SOX6: variants seen among roughly 807,000 people sequenced by gnomAD.
The protein encoded by SOX6 is transcription factor SOX-6.
SOX6 carries 11 observed loss-of-function variants against 97.8 expected under a neutral mutation model. The ratio of observed to expected loss-of-function variants is 0.11; its 90% confidence interval spans 0.07 to 0.19. The LOEUF is 0.19. Ranked by LOEUF, SOX6 falls within the 10% of genes least tolerant of loss-of-function variation. The pLI, the probability that SOX6 is intolerant of heterozygous loss-of-function variation, is 1.00. For missense variants in SOX6, 810 were observed against 1,039.5 expected, an observed-to-expected ratio of 0.78 and a Z score of 3.04; for synonymous variants, 360 against 371.4, an observed-to-expected ratio of 0.97 and a Z score of 0.35.
chr11:16,721,500 G>GTGTC (rs1848261184), intron 2 of SOX6, among the ~76,000 whole-genome samples: 11 of 28,656 alleles, frequency 3.8e-4, no homozygotes, highest in Non-Finnish European at 7.0e-4. Context: ...GGTCTTTTCT[G>GTGTC]TCTCTCTCTC....
At position 16,235,991 on chromosome 11, in the gene SOX6, G is replaced by A. The variant is rs146691882; in HGVS notation, c.446-1320C>T. ...AACGGCTGATGAAGAACAACCATCC[G>A]AACTGGCTATCACAGAGCTGAAGTT... On this transcript the variant is annotated intron_variant, in intron 3 of 15. Coordinates refer to ENST00000683767, the MANE Select transcript of SOX6 (RefSeq NM_001367873.1). Among the ~76,000 whole-genome samples, 5 of 152,168 alleles carry A rather than the reference G, an allele frequency of 3.3e-5. No homozygotes were observed. The East Asian group carries it at 9.7e-4, about 29-fold the overall frequency.
intron 1 of SOX6, among the ~76,000 whole-genome samples, chr11:16,446,584 T>C (rs1475152118): frequency 2.0e-5 from 3 of 152,106 alleles, no homozygotes; most frequent in African/African-American, 7.2e-5. Context: ...ATTTCTCCAA[T>C]GTATTACGCA....
At chr11:16,645,161 C>T (rs1378578750) in intron 3 of SOX6, among the ~76,000 whole-genome samples, 1 of 152,102 alleles carries the variant, frequency 6.6e-6, no homozygotes, top group Non-Finnish European at 1.5e-5. Flanking sequence ...CCTTTTCATC[C>T]CAGCTTTCAA....
intron 3 of SOX6, among the ~76,000 whole-genome samples, chr11:16,256,880 A>C (rs1298720919): frequency 6.6e-6 from 1 of 151,894 alleles, no homozygotes; most frequent in Admixed American, 6.6e-5. Flanking sequence ...ATACAAGGCT[A>C]ATATACAAAA....
rs148993995 is a variant in SOX6 at position 16,661,869 on chromosome 11, T to C, written n.430-49609A>G. On this transcript the variant is annotated intron_variant and non_coding_transcript_variant, in intron 3 of 5. Transcript: ENST00000524520. ...AGTCCTAATTGAGCATTTTATATGA[T>C]TATACTCTCTCCTCGTTTTCCATGC... Among the ~76,000 whole-genome samples the C allele has an allele frequency of 5.3e-4, 80 of 152,252 alleles. No homozygotes were observed. The East Asian group carries it at 0.011, about 22-fold the overall frequency.
chr11:16,103,380 G>A (rs1221331901), intron 7 of SOX6, among the ~76,000 whole-genome samples: 2 of 151,726 alleles, frequency 1.3e-5, no homozygotes, highest in Non-Finnish European at 2.9e-5. Context: ...TAATGATACT[G>A]GCGTGGATGT....
intron 2 of SOX6, among the ~76,000 whole-genome samples, chr11:16,325,829 A>C (rs771376360): frequency 6.6e-6 from 1 of 152,212 alleles, no homozygotes; most frequent in African/African-American, 2.4e-5. Context: ...CAGAGCCCTC[A>C]TGAATGGTAT....
intron 3 of SOX6, among the ~76,000 whole-genome samples, chr11:16,670,772 T>G (rs1847842627): frequency 6.6e-6 from 1 of 152,110 alleles, no homozygotes; most frequent in Admixed American, 6.5e-5. Flanking sequence ...TGAGGTCCCT[T>G]CCTCGGCTGC....
chr11:16,244,569 A>T (rs747466896), intron 3 of SOX6, among the ~76,000 whole-genome samples: 1 of 151,642 alleles, frequency 6.6e-6, no homozygotes, highest in African/African-American at 2.4e-5. Context: ...GTTTAGTTTT[A>T]TATTTAGGTC....
chr11:16,638,646 G>C (rs1486305652), intron 3 of SOX6, among the ~76,000 whole-genome samples: 2 of 152,176 alleles, frequency 1.3e-5, no homozygotes, highest in Non-Finnish European at 2.9e-5. Context: ...TTGTGGGTTT[G>C]ATATGCATTT....
chr11:15,992,166 C>T (rs1192637594), intron 13 of SOX6, among the ~76,000 whole-genome samples: 1 of 152,126 alleles, frequency 6.6e-6, no homozygotes. Flanking sequence ...GTGCACATTG[C>T]TTTTTTCTGG....
intron 3 of SOX6, among the ~76,000 whole-genome samples, chr11:16,621,508 A>T (rs1191105476): frequency 2.0e-5 from 3 of 152,150 alleles, no homozygotes; most frequent in African/African-American, 7.2e-5. Flanking sequence ...GTAATATCTC[A>T]TTTTTCCTGA....
chr11:16,485,303 G>A (rs1193306008), intron 4 of SOX6, among the ~76,000 whole-genome samples: 1 of 152,156 alleles, frequency 6.6e-6, no homozygotes, highest in African/African-American at 2.4e-5. Context: ...AAAAAAATGA[G>A]GGCCAGGTGC....
chr11:16,254,967 G>A (rs569573650), intron 3 of SOX6, among the ~76,000 whole-genome samples: 1 of 152,090 alleles, frequency 6.6e-6, no homozygotes, highest in South Asian at 2.1e-4. Flanking sequence ...ATAAGTGGAA[G>A]TAGCAATAGT....
chr11:16,633,891 T>C (rs1848746994), intron 3 of SOX6, among the ~76,000 whole-genome samples: 2 of 152,220 alleles, frequency 1.3e-5, no homozygotes, highest in Admixed American at 6.5e-5. Context: ...CCTTATAAAA[T>C]AAAAACATCA....
chr11:16,559,348 T>C (rs1847783467), intron 4 of SOX6, among the ~76,000 whole-genome samples: 1 of 151,106 alleles, frequency 6.6e-6, no homozygotes, highest in Non-Finnish European at 1.5e-5. Context: ...ATCACAGTTC[T>C]AAAGACTTTC....
intron 1 of SOX6, among the ~76,000 whole-genome samples, chr11:16,736,854 C>A (rs922780337): frequency 6.6e-6 from 1 of 152,254 alleles, no homozygotes. Flanking sequence ...TGGGTTTACT[C>A]TCCTCCTCCT....
chr11:16,034,753 C>T (rs1183163777), intron 12 of SOX6, among the ~76,000 whole-genome samples: 1 of 151,974 alleles, frequency 6.6e-6, no homozygotes, highest in Non-Finnish European at 1.5e-5. Flanking sequence ...ACATATACAC[C>T]CAGGTCAACT....
chr11:16,549,018 AAAT>A (rs1252841271), intron 4 of SOX6, among the ~76,000 whole-genome samples: 1 of 152,178 alleles, frequency 6.6e-6, no homozygotes. Flanking sequence ...ATTTAATTAA[AAAT>A]AATAATAAAT....
Sources: gnomAD v4.1 joint callset for allele counts (sites outside exome capture counted in the v4.1 genomes callset) on GRCh38, gnomAD v4.1.1 for gene constraint, MANE v1.5 for transcripts, NCBI Gene and HGNC (gene_info 2026-07-23, HGNC 2026-07-21) for gene names.